Variants in ZNF493 observed in about 807,000 individuals in gnomAD.
ZNF493 encodes the protein zinc finger protein 493.
A neutral mutation model predicts 12.2 loss-of-function variants in ZNF493; 11 were observed. That is an observed-to-expected ratio of 0.90 (90% CI 0.57 to 1.50). The LOEUF (loss-of-function observed/expected upper bound fraction) is 1.50. Ranked by LOEUF, ZNF493 falls within the 40% of genes most tolerant of loss-of-function variation. The pLI is 0.00. For missense variants in ZNF493, 950 were observed against 906.6 expected (o/e 1.05, Z -0.61); for synonymous variants, 286 against 302.6 (o/e 0.95, Z 0.57).
At chr19:21,419,157 T>G (rs1027873820) in intron 3 of ZNF493, among the ~76,000 whole-genome samples, 2 of 152,198 alleles carry the variant, frequency 1.3e-5, no homozygotes, top group African/African-American at 4.8e-5. Context: ...GCCATGTGAC[T>G]GGCATCTGTA....
rs1164416201 is a variant in ZNF493, at chr19:21,420,623, A to ATT, written c.254-2259_254-2258dup. ...TATATATATATATATATATATATAT[A>ATT]TTTTTTTTTTTTTTTTTTTTTTTTT... On this transcript the variant is annotated intron_variant, in intron 3 of 3. Coordinates refer to ENST00000392288, the MANE Select transcript of ZNF493 (RefSeq NM_001076678.3). Among the ~76,000 whole-genome samples, 7 of 16,118 alleles carry ATT rather than the reference A, an allele frequency of 4.3e-4. 1 individual carries two copies. Among genetic ancestry groups the ATT allele is most frequent in the Non-Finnish European group, 5.4e-4 (5 of 9,312 alleles). 10.6% of individuals were successfully genotyped at this position (16,118 alleles called of 152,430 possible).
intron 3 of ZNF493, among the ~76,000 whole-genome samples, chr19:21,417,332 G>C (rs772707014): frequency 3.3e-5 from 5 of 152,088 alleles, no homozygotes; most frequent in Non-Finnish European, 2.9e-5. Flanking sequence ...GTCGTTGCCT[G>C]TGCTAGCAGA....
intron 3 of ZNF493, chr19:21,413,242 C>G: frequency 2.6e-6 from 1 of 386,616 alleles, no homozygotes; most frequent in Non-Finnish European, 4.6e-6. Flanking sequence ...ATTATAGGAG[C>G]AGATTTATTA....
At chr19:21,398,361 G>A (rs547479363) in intron 1 of ZNF493, 1 of 164,350 alleles carries the variant, frequency 6.1e-6, no homozygotes, top group African/African-American at 2.4e-5. Context: ...ATAATACCCT[G>A]ACACTGCATT....
At position 21,423,721 on chromosome 19, in the gene ZNF493, T is replaced by C. The variant is rs1175579176; in HGVS notation, c.1062T>C (p.Tyr354=). 13 of 1,613,554 alleles carry C rather than the reference T, an allele frequency of 8.1e-6. No individual in the cohort carries two copies. Among genetic ancestry groups the C allele is most frequent in the Middle Eastern group, 1.6e-4 (1 of 6,078 alleles). The change falls in exon 4 of 4, where the codon TAT becomes TAC. Residue 354 remains tyrosine, a synonymous_variant. Coordinates refer to ENST00000392288, the MANE Select transcript of ZNF493 (RefSeq NM_001076678.3). The part of the protein sequence containing the change: ...TEEKSHRCEE[Y]CKAYKESSHL... ...AGAAATCCCACAGATGTGAAGAATATTGCAAAGCTTATAAGGAGTCCTCAC... is the reference window on the plus strand; with the variant it reads ...AGAAATCCCACAGATGTGAAGAATACTGCAAAGCTTATAAGGAGTCCTCAC...
chr19:21,424,992 G>A lies in ZNF493; in HGVS notation c.*8G>A. 6.3e-7 allele frequency: 1 copy of A among 1,579,178 alleles called. No individual in the cohort carries two copies. The highest frequency in any genetic ancestry group is 8.6e-7 in the Non-Finnish European group (1 of 1,165,812). On this transcript the variant is annotated 3_prime_UTR_variant, in exon 4 of 4. Transcript: ENST00000392288. ...GAGACTGTACAAAAGTGAAGAATGT[G>A]GCAAAGGCCTTTACTGCTCCTATTC...
At chr19:21,412,950 A>T in intron 3 of ZNF493, 1 of 421,276 alleles carries the variant, frequency 2.4e-6, no homozygotes, top group South Asian at 1.7e-5. Context: ...CTATACTGCC[A>T]TGGTTCCAGA....
At chr19:21,421,259 GTTC>G (rs1272149655) in intron 3 of ZNF493, among the ~76,000 whole-genome samples, 1 of 150,618 alleles carries the variant, frequency 6.6e-6, no homozygotes, top group Non-Finnish European at 1.5e-5. Flanking sequence ...AAATATTTTT[GTTC>G]TTATTTCCAG....
At position 21,405,192 on chromosome 19, in the gene ZNF493, ACT is replaced by A; in HGVS notation, c.95_96del (p.Thr32SerfsTer7). On this transcript the variant is annotated frameshift_variant, in exon 2 of 4. Coordinates refer to ENST00000392288, the MANE Select transcript of ZNF493 (RefSeq NM_001076678.3). LOFTEE classifies it high-confidence loss of function. ...TCTGGAGGAGTGGCAATGCCTGGAC[ACT>A]GCTCAGCAGGATTTGTATAGGAAAG... ...FSLEEWQCLD[T>X]AQQDLYRKVM... is the part of the protein sequence containing the mutation. 1 of 1,614,116 alleles carries A rather than the reference ACT, an allele frequency of 6.2e-7. No individual in the cohort carries two copies. The highest frequency in any genetic ancestry group is 8.5e-7 in the Non-Finnish European group (1 of 1,180,028).
chr19:21,405,959 G>T (rs1473201857), intron 3 of ZNF493, 103 bp downstream of exon 3: 7 of 857,728 alleles, frequency 8.2e-6, no homozygotes, highest in Non-Finnish European at 1.2e-5. Context: ...AATGGCTCAT[G>T]CCTGTAGTCC....
Position 21,426,859 on chromosome 19 carries a change from TAAAAC to T in ZNF493, c.*1876_*1880del, listed in dbSNP as rs1232019812. The T allele has an allele frequency of 6.0e-6, 1 of 166,950 alleles. No homozygotes were observed. The highest frequency in any genetic ancestry group is 2.4e-5 in the African/African-American group (1 of 41,432). 10.3% of individuals were successfully genotyped at this position (166,950 alleles called of 1,614,324 possible). ...AAATGAGAGTTCTGAGTATAGAAAA[TAAAAC>T]TAAAGTTGGTAGAAAAATTATTTGT... is the stretch of plus-strand genomic sequence containing the variant. On this transcript the variant is annotated 3_prime_UTR_variant, in exon 4 of 4. Transcript: ENST00000392288.
At chr19:21,422,679 CT>C (rs2030716225) in intron 3 of ZNF493, among the ~76,000 whole-genome samples, 1 of 151,916 alleles carries the variant, frequency 6.6e-6, no homozygotes, top group South Asian at 2.1e-4. Context: ...TTGCTTTTCC[CT>C]TCTGTGTGAC....
intron 3 of ZNF493, among the ~76,000 whole-genome samples, chr19:21,415,864 G>A (rs1402318982): frequency 6.6e-6 from 1 of 152,136 alleles, no homozygotes; most frequent in African/African-American, 2.4e-5. Context: ...ACTATTAAAG[G>A]CCAATTTTTT....
At chr19:21,400,843 A>G (rs1021196707) in intron 1 of ZNF493, among the ~76,000 whole-genome samples, 3 of 152,194 alleles carry the variant, frequency 2.0e-5, no homozygotes, top group Non-Finnish European at 2.9e-5. Flanking sequence ...ATTAGTTTAA[A>G]GAGCTTTTCT....
chr19:21,413,027 C>G (rs1459524060), intron 3 of ZNF493: 2 of 334,782 alleles, frequency 6.0e-6, no homozygotes, highest in Non-Finnish European at 1.1e-5. Context: ...ATCAGCTGAA[C>G]ACAGTGTGGC....
In ZNF493 at chr19:21,423,425, A is replaced by G; in HGVS notation, c.766A>G (p.Lys256Glu). 6.2e-7 allele frequency: 1 copy of G among 1,613,742 alleles called. No homozygotes were observed. Among genetic ancestry groups the G allele is most frequent in the Non-Finnish European group, 8.5e-7 (1 of 1,179,822 alleles). ...FNQDSNLTTH[K>E]RIHTGQKPYK... is the part of the protein sequence containing the mutation. The stretch of plus-strand genomic sequence containing the variant: ...CCAGGACTCAAACCTTACTACACAT[A>G]AGAGAATTCATACTGGACAGAAACC... Residue 256 changes from lysine to glutamate, a missense_variant, in exon 4 of 4, where the codon AAG becomes GAG. Physicochemically the swap from Lys to Glu is moderately conservative, Grantham distance 56. Transcript: ENST00000392288.
At chr19:21,405,426 T>C in intron 2 of ZNF493, 171 bp downstream of exon 2, 1 of 1,426,146 alleles carries the variant, frequency 7.0e-7, no homozygotes, top group South Asian at 1.6e-5. Context: ...CAGGATGTTT[T>C]ATCTTGGCCT....
At chr19:21,407,042 T>C (rs1028555191) in intron 3 of ZNF493, among the ~76,000 whole-genome samples, 4 of 151,980 alleles carry the variant, frequency 2.6e-5, no homozygotes, top group African/African-American at 9.7e-5. Context: ...TTATTTTAAT[T>C]ATATTTTTAA....
chr19:21,405,861 G>A lies in ZNF493; in HGVS notation c.253+5G>A. 2.1e-6 allele frequency: 3 copies of A among 1,404,512 alleles called. No homozygotes were observed. The highest frequency in any genetic ancestry group is 5.7e-5 in the East Asian group (2 of 35,090). The allele number at this position is 1,404,512 out of a possible 1,614,324, so 87.0% of individuals were successfully genotyped here. On this transcript the variant is annotated splice_donor_5th_base_variant and intron_variant, in intron 3 of 3. Transcript: ENST00000392288. ...GTACGGTAGTCAAACCCCCAGGTAG[G>A]TGAGAGTGAATGAAACAGTTGACAT...
Sources: gnomAD v4.1 joint callset for allele counts (sites outside exome capture counted in the v4.1 genomes callset) on GRCh38, gnomAD v4.1.1 for gene constraint, MANE v1.5 for transcripts, NCBI Gene and HGNC (gene_info 2026-07-23, HGNC 2026-07-21) for gene names.